The following PCDHGB1 variants were observed in gnomAD, a reference collection of about 807,000 sequenced individuals.
The protein encoded by PCDHGB1 is protocadherin gamma subfamily B, 1.
In PCDHGB1, 34 loss-of-function variants were observed where a neutral mutation model predicts 56.6. That is an observed-to-expected ratio of 0.60 (90% confidence interval 0.46 to 0.80). The LOEUF (loss-of-function observed/expected upper bound fraction) is 0.80, where lower values mean the gene tolerates loss of function less well. PCDHGB1 is among the 30% of genes least tolerant of loss of function. The pLI, the probability that PCDHGB1 is intolerant of heterozygous loss-of-function variation, is 0.00. For missense variants in PCDHGB1, 1,278 were observed against 1,204.6 expected, an observed-to-expected ratio of 1.06 and a Z score of -0.90; for synonymous variants, 561 against 505.9, an observed-to-expected ratio of 1.11 and a Z score of -1.46.
intron 1 of PCDHGB1, among the ~76,000 whole-genome samples, chr5:141,482,057 C>A (rs2099551189): frequency 6.7e-6 from 1 of 149,978 alleles, no homozygotes; most frequent in Non-Finnish European, 1.5e-5. Flanking sequence ...TGCATTCCAG[C>A]CTGGGCAACA....
intron 1 of PCDHGB1, chr5:141,415,563 T>G: frequency 1.2e-6 from 2 of 1,614,168 alleles, no homozygotes; most frequent in Non-Finnish European, 1.7e-6. Flanking sequence ...ATCCTTTGTC[T>G]TTGTTAGATG....
intron 1 of PCDHGB1, chr5:141,385,631 G>A (rs539938751): frequency 7.4e-6 from 7 of 947,722 alleles, no homozygotes; most frequent in Middle Eastern, 4.4e-4. Flanking sequence ...GGAATGAATC[G>A]AGTCTTTCAT....
At chr5:141,393,349 C>G in intron 1 of PCDHGB1, 1 of 1,613,964 alleles carries the variant, frequency 6.2e-7, no homozygotes, top group Non-Finnish European at 8.5e-7. Context: ...CACCACTTCT[C>G]CCTGGACGTG....
chr5:141,383,264 A>T, intron 1 of PCDHGB1: 1 of 1,613,962 alleles, frequency 6.2e-7, no homozygotes, highest in Non-Finnish European at 8.5e-7. Context: ...ATAGACGTGG[A>T]AATAATAGAT....
chr5:141,399,797 G>C lies in PCDHGB1; in HGVS notation c.2409+47128G>C, dbSNP rs760211919. On this transcript the variant is annotated intron_variant, in intron 1 of 3. Coordinates refer to ENST00000523390, the MANE Select transcript of PCDHGB1 (RefSeq NM_018922.3). ...GGCGACCGAAACGACAACGCACCGC[G>C]GGTGCTGTACCCCGCGCTGGGTCCC... 4.3e-6 allele frequency: 7 copies of C among 1,613,192 alleles called. No homozygotes were observed. In the South Asian group the frequency reaches 7.7e-5, roughly 18 times the overall value.
intron 1 of PCDHGB1, among the ~76,000 whole-genome samples, chr5:141,445,458 A>G (rs1427391084): frequency 6.6e-6 from 1 of 152,248 alleles, no homozygotes; most frequent in Non-Finnish European, 1.5e-5. Flanking sequence ...TGCAGCAATG[A>G]ACAAGGCATA....
intron 1 of PCDHGB1, among the ~76,000 whole-genome samples, chr5:141,381,826 C>CTTCTTTTTT (rs1777532522): frequency 2.2e-4 from 16 of 74,296 alleles, no homozygotes; most frequent in African/African-American, 9.3e-4. Context: ...CTTTCTTCTT[C>CTTCTTTTTT]TTTTTTTTTT....
In PCDHGB1 at chr5:141,394,790, G is replaced by A. The variant is rs776824024; in HGVS notation, c.2409+42121G>A. The A allele has an allele frequency of 2.4e-5, 39 of 1,613,718 alleles. No homozygotes were observed. The African/African-American group carries it at 3.2e-4, about 13-fold the overall frequency. ...AGCCCCCTCTCTCCGCCACTGTCAC[G>A]CTCACCGTAGCCGTGGCTGACAGCA... On this transcript the variant is annotated intron_variant, in intron 1 of 3. Transcript: ENST00000523390.
chr5:141,428,609 A>G, intron 1 of PCDHGB1: 1 of 215,052 alleles, frequency 4.7e-6, no homozygotes, highest in South Asian at 7.9e-5. Context: ...ACTGAAGAGA[A>G]TAACAAGATA....
At chr5:141,446,508 G>A (rs932199756) in intron 1 of PCDHGB1, among the ~76,000 whole-genome samples, 4 of 151,356 alleles carry the variant, frequency 2.6e-5, no homozygotes, top group Non-Finnish European at 5.9e-5. Flanking sequence ...ATGGAGTCTC[G>A]CTCTGTCACC....
rs1168799961 is a variant in PCDHGB1, at chr5:141,487,844, A to G, written c.2410-6963A>G. ...CGGGTCATGCCTATATCTGAGTAAG[A>G]AATGAAAGTAATTGGTGATCAAGAG... On this transcript the variant is annotated intron_variant, in intron 1 of 3. Coordinates refer to ENST00000523390, the MANE Select transcript of PCDHGB1 (RefSeq NM_018922.3). The surrounding 1 kb of genome is among the most constrained non-coding windows in gnomAD (Gnocchi z 5.0). 2 of 1,043,076 alleles carry G rather than the reference A, an allele frequency of 1.9e-6. No homozygotes were observed. Among genetic ancestry groups the G allele is most frequent in the Non-Finnish European group, 2.7e-6 (2 of 730,916 alleles). The allele number at this position is 1,043,076 out of a possible 1,614,324, so 64.6% of individuals were successfully genotyped here.
At chr5:141,462,271 G>C (rs2099036316) in intron 1 of PCDHGB1, among the ~76,000 whole-genome samples, 1 of 152,174 alleles carries the variant, frequency 6.6e-6, no homozygotes, top group African/African-American at 2.4e-5. Context: ...AAAGTGTATT[G>C]TTTAGTCACC....
At chr5:141,505,154 C>T (rs1443235547) in intron 2 of PCDHGB1, among the ~76,000 whole-genome samples, 2 of 152,028 alleles carry the variant, frequency 1.3e-5, no homozygotes, top group Non-Finnish European at 2.9e-5. Flanking sequence ...AGAGTAAGAC[C>T]CTGTCTAAAA....
intron 1 of PCDHGB1, among the ~76,000 whole-genome samples, chr5:141,481,426 A>G (rs1431602618): frequency 6.6e-6 from 1 of 152,238 alleles, no homozygotes; most frequent in Non-Finnish European, 1.5e-5. Flanking sequence ...TGTGATGATG[A>G]TTGTATCAGT....
chr5:141,371,126 G>A (rs771503088), intron 1 of PCDHGB1: 2 of 1,613,996 alleles, frequency 1.2e-6, no homozygotes, highest in South Asian at 2.2e-5. Context: ...TATTTACTCA[G>A]GACATGTACA....
chr5:141,388,432 A>C (rs760022375), intron 1 of PCDHGB1: 1 of 1,613,760 alleles, frequency 6.2e-7, no homozygotes, highest in South Asian at 1.1e-5. Context: ...CTGATAAATA[A>C]AGAGAAATCA....
chr5:141,385,339 C>T (rs1379260130), intron 1 of PCDHGB1: 1 of 1,570,014 alleles, frequency 6.4e-7, no homozygotes, highest in African/African-American at 1.4e-5. Flanking sequence ...CCCAGCCCTT[C>T]CTTTATTTCC....
chr5:141,413,682 C>G, intron 1 of PCDHGB1: 1 of 1,613,798 alleles, frequency 6.2e-7, no homozygotes, highest in South Asian at 1.1e-5. Context: ...TGGGCGTGAA[C>G]TCCCTGCAGA....
intron 1 of PCDHGB1, chr5:141,370,337 G>A: frequency 6.9e-7 from 1 of 1,448,610 alleles, no homozygotes; most frequent in Non-Finnish European, 9.3e-7. Context: ...AGAACTCTTG[G>A]GATTATTTAA....
Sources: allele counts gnomAD v4.1 joint callset (sites outside exome capture counted in the v4.1 genomes callset), GRCh38; gene constraint gnomAD v4.1.1; non-coding constraint Gnocchi (gnomAD v3.1); transcripts MANE v1.5; gene names NCBI Gene and HGNC (gene_info 2026-07-23, HGNC 2026-07-21).